Variants in VPS26C observed in about 807,000 individuals in gnomAD.
VPS26C encodes vacuolar protein sorting-associated protein 26C.
VPS26C carries 19 observed loss-of-function variants against 30.6 expected under a neutral mutation model. The ratio of observed to expected loss-of-function variants is 0.62; its 90% CI spans 0.43 to 0.91. The LOEUF (loss-of-function observed/expected upper bound fraction) is 0.91, where lower values mean the gene tolerates loss of function less well. Ranked by LOEUF, VPS26C falls within the 40% of genes least tolerant of loss-of-function variation. The probability of loss-of-function intolerance (pLI) is 0.00; values close to 1 mark genes in which losing one functional copy is unlikely to be tolerated. For synonymous variants in VPS26C, 132 were observed against 151.5 expected (o/e 0.87, Z 0.95); for missense variants, 318 against 385.1 (o/e 0.83, Z 1.46).
At chr21:37,243,738 C>T (rs559082914) in intron 1 of VPS26C, among the ~76,000 whole-genome samples, 1 of 152,126 alleles carries the variant, frequency 6.6e-6, no homozygotes, top group Non-Finnish European at 1.5e-5. Context: ...GACTACAGCC[C>T]GCACCCTAGA....
At chr21:37,263,601 C>G (rs545461372) in intron 1 of VPS26C, among the ~76,000 whole-genome samples, 1 of 152,116 alleles carries the variant, frequency 6.6e-6, no homozygotes, top group Non-Finnish European at 1.5e-5. Context: ...CAAACCCTAC[C>G]CCAGAACCTC....
intron 1 of VPS26C, among the ~76,000 whole-genome samples, chr21:37,266,350 C>T (rs1038660185): frequency 6.6e-6 from 1 of 152,146 alleles, no homozygotes; most frequent in Non-Finnish European, 1.5e-5. Flanking sequence ...AATTCTGTCC[C>T]TTTTGAGATT....
chr21:37,255,221 T>C (rs2051399), intron 1 of VPS26C, among the ~76,000 whole-genome samples: 119,391 of 152,094 alleles, frequency 0.78, 47,248 homozygotes, highest in East Asian at 0.99. Context: ...TGCCCATCGG[T>C]TCCTAATTTT....
In VPS26C at chr21:37,223,630, G is replaced by A. The variant is rs980993347; in HGVS notation, c.*1914C>T. 6.6e-6 allele frequency: 1 copy of A among 152,232 alleles called. No individual in the cohort carries two copies. The allele number at this position is 152,232 out of a possible 1,614,324, so 9.4% of individuals were successfully genotyped here. A position where few individuals can be genotyped will look rare whatever the true frequency, so the allele number is the denominator to read the frequency against. ...CAAGGATAGATAATTAATGTCAGGT[G>A]AGCATAAAAGGAGATTATAAACCAG... On this transcript the variant is annotated 3_prime_UTR_variant, in exon 8 of 8. Transcript: ENST00000309117.
chr21:37,234,209 A>G, intron 3 of VPS26C, among the ~76,000 whole-genome samples: 1 of 152,192 alleles, frequency 6.6e-6, no homozygotes, highest in Non-Finnish European at 1.5e-5. Context: ...GGCTAATCTT[A>G]TTTCTCGAGA....
In VPS26C at chr21:37,224,190, G is replaced by A. The variant is rs1017358282; in HGVS notation, c.*1354C>T. 3 of 152,224 alleles carry A rather than the reference G, an allele frequency of 2.0e-5. No homozygotes were observed. The highest frequency in any genetic ancestry group is 7.2e-5 in the African/African-American group (3 of 41,434). 9.4% of individuals were successfully genotyped at this position (152,224 alleles called of 1,614,324 possible). A position where few individuals can be genotyped will look rare whatever the true frequency, so the allele number is the denominator to read the frequency against. On this transcript the variant is annotated 3_prime_UTR_variant, in exon 8 of 8. Transcript: ENST00000309117. Reference sequence around the variant, plus strand: ...GTTCAGAACCTACCCAGTAACAACAGGAGCAAACATACATGTTTTCCCCTC... The same window carrying A: ...GTTCAGAACCTACCCAGTAACAACAAGAGCAAACATACATGTTTTCCCCTC...
At chr21:37,267,501 G>A (rs776233091), upstream of VPS26C, 4 of 592,036 alleles carry the variant, frequency 6.8e-6, no homozygotes, top group African/African-American at 3.8e-5. Context: ...GCCGGCCTTA[G>A]TGCGGGCCGA....
rs2086208867 is a variant in VPS26C, at chr21:37,253,006, TCTA to T, written c.58-12370_58-12368del. ...AGGAACTTTATACTGAAAAGAGTCATCTACTGTTTGTAATTATACCTGTTTTTA... is the reference window on the plus strand; with the variant it reads ...AGGAACTTTATACTGAAAAGAGTCATCTGTTTGTAATTATACCTGTTTTTA... On this transcript the variant is annotated intron_variant, in intron 1 of 7. Coordinates refer to ENST00000309117, the MANE Select transcript of VPS26C (RefSeq NM_006052.2). Among the ~76,000 whole-genome samples the T allele has an allele frequency of 2.0e-5, 3 of 152,204 alleles. No individual in the cohort carries two copies. The South Asian group carries it at 6.2e-4, about 32-fold the overall frequency.
At chr21:37,240,455 A>G in intron 2 of VPS26C, 41 bp downstream of exon 2, 1 of 1,610,200 alleles carries the variant, frequency 6.2e-7, no homozygotes, top group Non-Finnish European at 8.5e-7. Context: ...CAACATTTCA[A>G]TATTGAACTA....
At chr21:37,236,939 A>G (rs979088291) in intron 3 of VPS26C, among the ~76,000 whole-genome samples, 1 of 152,136 alleles carries the variant, frequency 6.6e-6, no homozygotes, top group Admixed American at 6.5e-5. Flanking sequence ...GAAGCACACA[A>G]GCTTTTTGTT....
At chr21:37,267,404 G>A, upstream of VPS26C, 1 of 940,418 alleles carries the variant, frequency 1.1e-6, no homozygotes, top group South Asian at 1.4e-5. Flanking sequence ...TCTGCCGGCA[G>A]TGGCTCACGT....
At chr21:37,254,249 A>C (rs1602283165) in intron 1 of VPS26C, among the ~76,000 whole-genome samples, 1 of 152,360 alleles carries the variant, frequency 6.6e-6, no homozygotes, top group South Asian at 2.1e-4. Flanking sequence ...TTCAAATCCA[A>C]GCCAGGATGC....
chr21:37,258,422 T>C (rs1032084779), intron 1 of VPS26C, among the ~76,000 whole-genome samples: 11 of 152,192 alleles, frequency 7.2e-5, no homozygotes, highest in African/African-American at 2.7e-4. Context: ...CCTCTGCGCA[T>C]GCGCCGGGCA....
rs2086252242 is a variant in VPS26C at position 37,257,176 on chromosome 21, T to A, written c.57+10062A>T. Among the ~76,000 whole-genome samples the A allele has an allele frequency of 6.6e-6, 1 of 151,950 alleles. No homozygotes were observed. Among genetic ancestry groups the A allele is most frequent in the Admixed American group, 6.6e-5 (1 of 15,254 alleles). On this transcript the variant is annotated intron_variant, in intron 1 of 7. Coordinates refer to ENST00000309117, the MANE Select transcript of VPS26C (RefSeq NM_006052.2). This position sits in a 1 kb window ranked among gnomAD's most constrained non-coding sequence, Gnocchi z 4.2. Reference sequence around the variant, plus strand: ...AAACAAACAAAAAAAAGCAAATATATGTAAAAATAGGAAGTGCGGTTTCCC... The same window carrying A: ...AAACAAACAAAAAAAAGCAAATATAAGTAAAAATAGGAAGTGCGGTTTCCC...
chr21:37,256,814 C>CT (rs1442603779), intron 1 of VPS26C, among the ~76,000 whole-genome samples: 1 of 152,180 alleles, frequency 6.6e-6, no homozygotes, highest in Admixed American at 6.5e-5. Flanking sequence ...GTATGACATA[C>CT]TTTTTTCTTT....
In VPS26C at chr21:37,233,130, C is replaced by T. The variant is rs12481875; in HGVS notation, c.432+232G>A. Among the ~76,000 whole-genome samples the T allele has an allele frequency of 0.014, 2,063 of 152,278 alleles. 167 individuals carry two copies. The highest frequency in any genetic ancestry group is 0.13 in the Admixed American group (1,941 of 15,286). On this transcript the variant is annotated intron_variant, in intron 4 of 7. Coordinates refer to ENST00000309117, the MANE Select transcript of VPS26C (RefSeq NM_006052.2). This position sits in a 1 kb window ranked among gnomAD's most constrained non-coding sequence, Gnocchi z 5.2. ...GGAGGAAAGGTCCTGCCTGATGTGC[C>T]GACGTGGAGTCCCTCTGGCCCGCGG...
chr21:37,253,026 C>A (rs1335625359), intron 1 of VPS26C, among the ~76,000 whole-genome samples: 1 of 152,132 alleles, frequency 6.6e-6, no homozygotes, highest in Non-Finnish European at 1.5e-5. Context: ...GTAATTATAC[C>A]TGTTTTTAAA....
rs1244747055 is a variant in VPS26C, at chr21:37,238,562, T to A, written c.249A>T (p.Lys83Asn). The change falls in exon 3 of 8, where the codon AAA becomes AAT. Residue 83 changes from lysine to asparagine, a missense_variant. By Grantham distance (94) the Lys-to-Asn change is moderately conservative. Coordinates refer to ENST00000309117, the MANE Select transcript of VPS26C (RefSeq NM_006052.2). ...NSTIEMVKPG[K>N]FPSGKTEIPF... is the part of the protein sequence containing the mutation. Reference sequence around the variant, plus strand: ...GGATTTCTGTTTTGCCGCTGGGAAATTTCCCCGGCTTCACCATTTCTATGG... The same window carrying A: ...GGATTTCTGTTTTGCCGCTGGGAAAATTCCCCGGCTTCACCATTTCTATGG... The A allele has an allele frequency of 1.2e-6, 2 of 1,614,142 alleles. No individual in the cohort carries two copies. Among genetic ancestry groups the A allele is most frequent in the Non-Finnish European group, 1.7e-6 (2 of 1,180,034 alleles).
chr21:37,236,221 G>A (rs1419593950), intron 3 of VPS26C, among the ~76,000 whole-genome samples: 3 of 152,164 alleles, frequency 2.0e-5, no homozygotes, highest in African/African-American at 4.8e-5. Flanking sequence ...GGTAAACAGT[G>A]CGGGCCGAGG....
Sources: allele counts gnomAD v4.1 joint callset (sites outside exome capture counted in the v4.1 genomes callset), GRCh38; gene constraint gnomAD v4.1.1; non-coding constraint Gnocchi (gnomAD v3.1); transcripts MANE v1.5; gene names NCBI Gene and HGNC (gene_info 2026-07-23, HGNC 2026-07-21).